SMG5: variants seen among roughly 807,000 people sequenced by gnomAD.
The protein encoded by SMG5 is nonsense-mediated mRNA decay factor SMG5.
In SMG5, 53 loss-of-function variants were observed where a neutral mutation model predicts 122.9. That is an observed-to-expected ratio of 0.43 (90% CI 0.35 to 0.54). The LOEUF is 0.54. SMG5 is among the 20% of genes least tolerant of loss of function. SMG5 has a pLI of 0.01. For missense variants in SMG5, 1,153 were observed against 1,285.6 expected, an observed-to-expected ratio of 0.90 and a Z score of 1.58; for synonymous variants, 477 against 490.2, an observed-to-expected ratio of 0.97 and a Z score of 0.35.
chr1:156,278,759 G>A (rs1662801180), intron 2 of SMG5, among the ~76,000 whole-genome samples, 177 bp downstream of exon 2: 3 of 152,130 alleles, frequency 2.0e-5, no homozygotes, highest in South Asian at 2.1e-4. Context: ...TGTAAAATCT[G>A]CAGATGGAGT....
chr1:156,252,101 C>T (rs1050581816), intron 19 of SMG5, among the ~76,000 whole-genome samples: 1 of 152,196 alleles, frequency 6.6e-6, no homozygotes, highest in African/African-American at 2.4e-5. Flanking sequence ...AGTTCACAGT[C>T]TAAAGTTGGG....
chr1:156,256,911 A>G (rs1042534653), intron 16 of SMG5, among the ~76,000 whole-genome samples: 1 of 144,390 alleles, frequency 6.9e-6, no homozygotes, highest in South Asian at 2.2e-4. Context: ...GTCTTTCTAC[A>G]TTTTCTTTTC....
chr1:156,267,052 T>C (rs949635683), intron 10 of SMG5, among the ~76,000 whole-genome samples: 1 of 152,142 alleles, frequency 6.6e-6, no homozygotes, highest in African/African-American at 2.4e-5. Flanking sequence ...TCCCCATGCC[T>C]CAAGAGCCTT....
At chr1:156,271,099 G>T (rs1662395500) in intron 7 of SMG5, among the ~76,000 whole-genome samples, 1 of 152,138 alleles carries the variant, frequency 6.6e-6, no homozygotes. Flanking sequence ...ATCGGTATAG[G>T]TATAGAAGGC....
In SMG5 at chr1:156,260,632, CAGA is replaced by C. The variant is rs1661780396; in HGVS notation, c.2108-9_2108-7del. 2 of 1,493,830 alleles carry C rather than the reference CAGA, an allele frequency of 1.3e-6. No individual in the cohort carries two copies. Among genetic ancestry groups the C allele is most frequent in the Non-Finnish European group, 1.8e-6 (2 of 1,125,432 alleles). 92.5% of individuals were successfully genotyped at this position (1,493,830 alleles called of 1,614,324 possible). On this transcript the variant is annotated splice_region_variant and splice_polypyrimidine_tract_variant and intron_variant, in intron 14 of 21. Transcript: ENST00000361813. ...CTCAGGACACAAGGCCAGGCCTGGG[CAGA>C]AGAAGGACACATAAGACCATCTGTC...
chr1:156,265,036 TACACACACACAC>T (rs35457785), intron 12 of SMG5, among the ~76,000 whole-genome samples: 11 of 122,800 alleles, frequency 9.0e-5, no homozygotes, highest in South Asian at 5.6e-4. Context: ...AAAAAAAAAA[TACACACACACAC>T]ACACACACAC....
chr1:156,280,544 G>A (rs1662890292), intron 1 of SMG5, among the ~76,000 whole-genome samples: 1 of 152,240 alleles, frequency 6.6e-6, no homozygotes, highest in Non-Finnish European at 1.5e-5. Flanking sequence ...GGCCCTCGAT[G>A]CCAGGGGCAG....
rs1382282979 is a variant in SMG5, at chr1:156,260,434, A to G, written c.2283+17T>C. 9.4e-6 allele frequency: 15 copies of G among 1,594,024 alleles called. No individual in the cohort carries two copies. The highest frequency in any genetic ancestry group is 1.3e-5 in the Non-Finnish European group (15 of 1,172,822). ...GACTGACAAACAGAGCTGTGGCATAAGAAATGCTATCCTTACCTCCTCTAA... is the reference window on the plus strand; with the variant it reads ...GACTGACAAACAGAGCTGTGGCATAGGAAATGCTATCCTTACCTCCTCTAA... On this transcript the variant is annotated intron_variant, in intron 15 of 21. Coordinates refer to ENST00000361813, the MANE Select transcript of SMG5 (RefSeq NM_015327.3).
At position 156,250,541 on chromosome 1, in the gene SMG5, A is replaced by C. The variant is rs1661301137; in HGVS notation, c.*46T>G. 1.9e-6 allele frequency: 3 copies of C among 1,543,178 alleles called. No homozygotes were observed. The highest frequency in any genetic ancestry group is 2.7e-6 in the Non-Finnish European group (3 of 1,115,672). ...GCTGGTCCTGGCTGCCAGGGAGGGC[A>C]GGAGAGATCTGGAGTCAGCCCCACT... On this transcript the variant is annotated 3_prime_UTR_variant, in exon 22 of 22. Coordinates refer to ENST00000361813, the MANE Select transcript of SMG5 (RefSeq NM_015327.3).
chr1:156,285,952 C>T (rs202031217), upstream of SMG5: 8 of 1,610,524 alleles, frequency 5.0e-6, no homozygotes, highest in South Asian at 2.2e-5. Context: ...CACTGCGCTG[C>T]GGGGTCTTTG....
rs987118892 is a variant in SMG5 at position 156,267,974 on chromosome 1, A to C, written c.908+141T>G. On this transcript the variant is annotated intron_variant, in intron 9 of 21. Coordinates refer to ENST00000361813, the MANE Select transcript of SMG5 (RefSeq NM_015327.3). ...AGGACCCTTGGGAGAAACAGTGAGG[A>C]ATGCCAAGAAAGGATGAATTGGTTA... is the stretch of plus-strand genomic sequence containing the variant. 9 of 897,986 alleles carry C rather than the reference A, an allele frequency of 1.0e-5. No homozygotes were observed. The Admixed American group carries it at 2.2e-4, about 22-fold the overall frequency. 55.6% of individuals were successfully genotyped at this position (897,986 alleles called of 1,614,324 possible).
At chr1:156,286,505 A>G (rs1216235086), upstream of SMG5, 2 of 1,606,468 alleles carry the variant, frequency 1.2e-6, no homozygotes, top group South Asian at 2.2e-5. Flanking sequence ...GGCATGGGAG[A>G]GGGGATGGTG....
chr1:156,280,615 A>G (rs1662892710), intron 1 of SMG5, among the ~76,000 whole-genome samples: 1 of 152,226 alleles, frequency 6.6e-6, no homozygotes, highest in South Asian at 2.1e-4. Flanking sequence ...CTTTGGTGCC[A>G]TGGAAAGAGC....
At chr1:156,281,489 C>G (rs1198768271) in intron 1 of SMG5, among the ~76,000 whole-genome samples, 1 of 152,146 alleles carries the variant, frequency 6.6e-6, no homozygotes, top group East Asian at 1.9e-4. Context: ...GCCCTGGGGC[C>G]GCTAGATTGA....
At chr1:156,256,303 CTTCTCTCTT>C (rs1661572410) in intron 16 of SMG5, among the ~76,000 whole-genome samples, 1 of 124,546 alleles carries the variant, frequency 8.0e-6, no homozygotes, top group African/African-American at 2.7e-5. Flanking sequence ...TGAGAGCCAT[CTTCTCTCTT>C]TTTTTTTTTT....
Position 156,265,971 on chromosome 1 carries a change from T to C in SMG5, c.1665A>G (p.Pro555=), listed in dbSNP as rs755574473. Residue 555 remains proline (P), a synonymous_variant, in exon 12 of 22, where the codon CCA becomes CCG. Coordinates refer to ENST00000361813, the MANE Select transcript of SMG5 (RefSeq NM_015327.3). The part of the protein sequence containing the change: ...RSEAPDSLNG[P]LGPSEASIAS... The stretch of plus-strand genomic sequence containing the variant: ...CAATGCTAGCCTCACTGGGGCCCAG[T>C]GGGCCATTGAGGGAATCGGGAGCCT... 5.0e-6 allele frequency: 8 copies of C among 1,614,064 alleles called. No individual in the cohort carries two copies. In the Admixed American group the frequency reaches 1.2e-4, roughly 24 times the overall value.
At chr1:156,285,958 CT>C (rs1663147490), upstream of SMG5, 1 of 1,609,088 alleles carries the variant, frequency 6.2e-7, no homozygotes, top group African/African-American at 1.3e-5. Context: ...GCTGCGGGGT[CT>C]TTGCCACCTT....
At chr1:156,261,018 T>A (rs911862974) in intron 14 of SMG5, among the ~76,000 whole-genome samples, 1 of 152,102 alleles carries the variant, frequency 6.6e-6, no homozygotes, top group African/African-American at 2.4e-5. Context: ...TAGGTCAAAG[T>A]CAATTCTCAA....
the SMG5 span, chr1:156,291,404 T>A: frequency 6.2e-7 from 1 of 1,614,086 alleles, no homozygotes; most frequent in South Asian, 1.1e-5. Flanking sequence ...CTGGCTGACC[T>A]TTGCCGTGGG....
Sources: allele counts gnomAD v4.1 joint callset (sites outside exome capture counted in the v4.1 genomes callset), GRCh38; gene constraint gnomAD v4.1.1; transcripts MANE v1.5; gene names NCBI Gene and HGNC (gene_info 2026-07-23, HGNC 2026-07-21).